The following WDR70 variants were observed in gnomAD, a reference collection of about 807,000 sequenced individuals.
WDR70 encodes WD repeat domain 70.
Under a neutral mutation model 88.6 loss-of-function variants are expected in WDR70, and 53 were observed. That is an observed-to-expected ratio of 0.60 (90% CI 0.48 to 0.75). The LOEUF is 0.75. Ranked by LOEUF, WDR70 falls within the 30% of genes least tolerant of loss-of-function variation. WDR70 has a pLI of 0.00. For synonymous variants in WDR70, 280 were observed against 270.0 expected, an observed-to-expected ratio of 1.04 and a Z score of -0.36; for missense variants, 610 against 823.2, an observed-to-expected ratio of 0.74 and a Z score of 3.17.
chr5:37,562,734 GCACATGTTTCAGAGAGCA>G (rs1293240977), intron 9 of WDR70, among the ~76,000 whole-genome samples: 37 of 152,166 alleles, frequency 2.4e-4, no homozygotes, highest in African/African-American at 8.9e-4. Flanking sequence ...AGTGGACACC[GCACATGTTTCAGAGAGCA>G]CAGGGTTGGG....
At chr5:37,389,108 G>A (rs993330569) in intron 3 of WDR70, among the ~76,000 whole-genome samples, 3 of 125,160 alleles carry the variant, frequency 2.4e-5, no homozygotes, top group Non-Finnish European at 4.9e-5. Flanking sequence ...TTTTTTTTTC[G>A]TGGAGATGGA....
chr5:37,635,882 GT>G (rs1289649374), intron 10 of WDR70, among the ~76,000 whole-genome samples: 1 of 152,140 alleles, frequency 6.6e-6, no homozygotes, highest in East Asian at 1.9e-4. Context: ...TCCTGTGATA[GT>G]GAGTGAATTT....
At chr5:37,697,954 A>C in intron 11 of WDR70, 200 bp downstream of exon 11, 1 of 475,446 alleles carries the variant, frequency 2.1e-6, no homozygotes, top group South Asian at 3.2e-5. Context: ...TAAAATGTTT[A>C]AATATTTACT....
chr5:37,695,925 G>C (rs748979065), intron 10 of WDR70, among the ~76,000 whole-genome samples: 3 of 152,122 alleles, frequency 2.0e-5, no homozygotes, highest in Non-Finnish European at 4.4e-5. Context: ...CTCACCTCCT[G>C]CTCCTGCAAC....
chr5:37,587,778 CTTTT>C (rs55980790), intron 9 of WDR70, among the ~76,000 whole-genome samples: 11 of 122,748 alleles, frequency 9.0e-5, no homozygotes, highest in Admixed American at 1.6e-4. Context: ...AAGCCCTATT[CTTTT>C]TTTTTTTTTT....
chr5:37,483,165 G>C (rs939173363), intron 8 of WDR70, among the ~76,000 whole-genome samples: 8 of 150,564 alleles, frequency 5.3e-5, no homozygotes, highest in African/African-American at 2.0e-4. Flanking sequence ...GATTTGGCAG[G>C]GTCACAGGAC....
chr5:37,544,887 A>G (rs1188457603), intron 9 of WDR70, among the ~76,000 whole-genome samples: 1 of 152,164 alleles, frequency 6.6e-6, no homozygotes, highest in African/African-American at 2.4e-5. Flanking sequence ...TTTGATTTTT[A>G]TAATGTCAAT....
At chr5:37,694,185 AAGTC>A (rs1294932897) in intron 10 of WDR70, among the ~76,000 whole-genome samples, 1 of 152,236 alleles carries the variant, frequency 6.6e-6, no homozygotes, top group African/African-American at 2.4e-5. Flanking sequence ...GATCATTAAA[AAGTC>A]AGGAAACAAC....
At chr5:37,384,131 G>A (rs527836033) in intron 3 of WDR70, among the ~76,000 whole-genome samples, 10 of 148,750 alleles carry the variant, frequency 6.7e-5, no homozygotes, top group African/African-American at 2.5e-4. Context: ...GAAAAACCAA[G>A]TTGTTTCCTA....
At chr5:37,618,891 T>C (rs1466815442) in intron 10 of WDR70, among the ~76,000 whole-genome samples, 1 of 152,104 alleles carries the variant, frequency 6.6e-6, no homozygotes, top group Non-Finnish European at 1.5e-5. Flanking sequence ...ATTTTAGACA[T>C]AAAGGTAAAT....
At chr5:37,389,226 G>A (rs1748730426) in intron 3 of WDR70, among the ~76,000 whole-genome samples, 1 of 149,986 alleles carries the variant, frequency 6.7e-6, no homozygotes, top group Non-Finnish European at 1.5e-5. Context: ...CCGAGTAGCT[G>A]GGACTACAGG....
At chr5:37,431,155 T>C (rs1335865550) in intron 5 of WDR70, among the ~76,000 whole-genome samples, 1 of 152,210 alleles carries the variant, frequency 6.6e-6, no homozygotes. Flanking sequence ...TGCCTGGCCA[T>C]ATATATTTAA....
At chr5:37,718,077 G>T (rs1747702870) in intron 13 of WDR70, among the ~76,000 whole-genome samples, 1 of 152,142 alleles carries the variant, frequency 6.6e-6, no homozygotes, top group South Asian at 2.1e-4. Flanking sequence ...AGTTTAAGGG[G>T]TCTTATTTGC....
chr5:37,590,725 A>G (rs1230278978), intron 9 of WDR70, among the ~76,000 whole-genome samples: 1 of 152,178 alleles, frequency 6.6e-6, no homozygotes, highest in Non-Finnish European at 1.5e-5. Flanking sequence ...GCCAGCCACT[A>G]GAAGCTTGAA....
intron 17 of WDR70, among the ~76,000 whole-genome samples, chr5:37,729,115 C>T (rs368424538): frequency 1.2e-4 from 18 of 152,168 alleles, no homozygotes; most frequent in Admixed American, 2.0e-4. Context: ...CTTTCTCAAG[C>T]GCCTATATAT....
At chr5:37,586,005 C>T (rs676626) in intron 9 of WDR70, among the ~76,000 whole-genome samples, 4,219 of 152,296 alleles carry the variant, frequency 0.028, 208 homozygotes, top group African/African-American at 0.096. Context: ...CCATTCCTTT[C>T]AAGACCCCTT....
chr5:37,430,308 CT>C (rs1750262966), intron 5 of WDR70, among the ~76,000 whole-genome samples: 1 of 152,126 alleles, frequency 6.6e-6, no homozygotes, highest in South Asian at 2.1e-4. Context: ...AACAGTGTGA[CT>C]GAGTGTGATC....
At chr5:37,509,926 C>T (rs556473919) in intron 8 of WDR70, among the ~76,000 whole-genome samples, 21 of 151,340 alleles carry the variant, frequency 1.4e-4, no homozygotes, top group African/African-American at 2.2e-4. Flanking sequence ...CTGGGTGTAG[C>T]GGTGCTTGCC....
At chr5:37,721,315 A>T in intron 14 of WDR70, 100 bp downstream of exon 14, 1 of 1,036,722 alleles carries the variant, frequency 9.6e-7, no homozygotes, top group Non-Finnish European at 1.5e-6. Flanking sequence ...TTTGATGGAG[A>T]TCCACCCATT....
Sources: allele counts gnomAD v4.1 joint callset (sites outside exome capture counted in the v4.1 genomes callset), GRCh38; gene constraint gnomAD v4.1.1; transcripts MANE v1.5; gene names NCBI Gene and HGNC (gene_info 2026-07-23, HGNC 2026-07-21).